Variants in ARGFX observed in about 807,000 individuals in gnomAD.
ARGFX encodes the protein arginine-fifty homeobox.
In ARGFX, 10 loss-of-function variants were observed where a neutral mutation model predicts 8.0. The ratio of observed to expected loss-of-function variants is 1.25; its 90% CI spans 0.77 to 2.12. ARGFX has a LOEUF of 2.12. ARGFX is among the 30% of genes most tolerant of loss of function. The pLI, the probability that ARGFX is intolerant of heterozygous loss-of-function variation, is 0.00. For synonymous variants in ARGFX, 116 were observed against 117.8 expected (o/e 0.98, Z 0.10); for missense variants, 282 against 324.3 (o/e 0.87, Z 1.00).
Position 121,586,659 on chromosome 3 carries a change from G to T in ARGFX, c.*59G>T. ...AGTGGTCTTCTTGCCTCTTGTACAT[G>T]ACTGTTTTTTTCCTTTGTCTCATTT... On this transcript the variant is annotated 3_prime_UTR_variant, in exon 5 of 5. Coordinates refer to ENST00000334384, the MANE Select transcript of ARGFX (RefSeq NM_001012659.2). 2 of 1,385,692 alleles carry T rather than the reference G, an allele frequency of 1.4e-6. No homozygotes were observed. 85.8% of individuals were successfully genotyped at this position (1,385,692 alleles called of 1,614,324 possible). A position where few individuals can be genotyped will look rare whatever the true frequency, so the allele number is the denominator to read the frequency against.
At chr3:121,573,717 G>A (rs1025099428) in intron 2 of ARGFX, among the ~76,000 whole-genome samples, 38 of 151,224 alleles carry the variant, frequency 2.5e-4, no homozygotes, top group African/African-American at 9.2e-4. Context: ...GTGTGGTGGT[G>A]CATGCCTGTA....
intron 2 of ARGFX, among the ~76,000 whole-genome samples, chr3:121,576,110 C>CT (rs143050253): frequency 5.4e-5 from 8 of 148,094 alleles, no homozygotes; most frequent in South Asian, 2.2e-4. Flanking sequence ...AAATTTTCTC[C>CT]TTTTTTTTTT....
intron 1 of ARGFX, among the ~76,000 whole-genome samples, chr3:121,570,366 T>C (rs779443933): frequency 1.3e-5 from 2 of 152,228 alleles, no homozygotes; most frequent in Non-Finnish European, 2.9e-5. Context: ...ACTGTCTTTG[T>C]TTCTGATGAG....
chr3:121,577,226 C>CATATATATATATATATAT (rs71133554), intron 3 of ARGFX, among the ~76,000 whole-genome samples: 2 of 87,140 alleles, frequency 2.3e-5, no homozygotes, highest in Non-Finnish European at 4.1e-5. Flanking sequence ...TCTACATGTA[C>CATATATATATATATATAT]ATATATATAT....
At position 121,570,723 on chromosome 3, in the gene ARGFX, A is replaced by T; in HGVS notation, c.10A>T (p.Arg4Ter). 1 of 1,607,562 alleles carries T rather than the reference A, an allele frequency of 6.2e-7. No individual in the cohort carries two copies. The change falls in exon 2 of 5, where the codon AGA becomes TGA. Residue 4 changes from arginine (R) to a stop codon, truncating the protein, a stop_gained. Coordinates refer to ENST00000334384, the MANE Select transcript of ARGFX (RefSeq NM_001012659.2). LOFTEE classifies it high-confidence loss of function. MRN[R>*]MAPENPQPDP... ...TCAGATTTCAGAAACCATGAGGAAC[A>T]GAATGGCCCCAGAGAATCCCCAGCC...
Position 121,575,680 on chromosome 3 carries a change from G to A in ARGFX, c.104-1104G>A, listed in dbSNP as rs557733982. 1.5e-4 allele frequency among the ~76,000 whole-genome samples: 23 copies of A among 152,258 alleles called. 1 individual carries two copies. The highest frequency in any genetic ancestry group is 1.4e-3 in the South Asian group (7 of 4,830). Reference sequence around the variant, plus strand: ...TGTAATCCCAGCACTTTGGGAGACCGAGGTGGGTGGATCATTTGAGGGCAG... The same window carrying A: ...TGTAATCCCAGCACTTTGGGAGACCAAGGTGGGTGGATCATTTGAGGGCAG... On this transcript the variant is annotated intron_variant, in intron 2 of 4. Coordinates refer to ENST00000334384, the MANE Select transcript of ARGFX (RefSeq NM_001012659.2).
chr3:121,587,415 G>GGAC lies in ARGFX; in HGVS notation c.*816_*818dup, dbSNP rs1162778745. Among the ~76,000 whole-genome samples, 4 of 151,362 alleles carry GGAC rather than the reference G, an allele frequency of 2.6e-5. No homozygotes were observed. Among genetic ancestry groups the GGAC allele is most frequent in the Non-Finnish European group, 5.9e-5 (4 of 67,838 alleles). On this transcript the variant is annotated 3_prime_UTR_variant, in exon 5 of 5. Coordinates refer to ENST00000334384, the MANE Select transcript of ARGFX (RefSeq NM_001012659.2). ...TTGCCCAGGCTGGTCTCCAACTCCT[G>GGAC]GACTTAACGCCATCCACCTGCCACA...
rs1403064031 is a variant in ARGFX, at chr3:121,577,259, A to ATATATATATTT, written c.220+360_220+361insATATATATTTT. Among the ~76,000 whole-genome samples, 39 of 59,566 alleles carry ATATATATATTT rather than the reference A, an allele frequency of 6.5e-4. 2 individuals are homozygous for ATATATATATTT. The highest frequency in any genetic ancestry group is 1.8e-3 in the African/African-American group (29 of 16,024). The allele number at this position is 59,566 out of a possible 152,430, so 39.1% of individuals were successfully genotyped here. On this transcript the variant is annotated intron_variant, in intron 3 of 4. Coordinates refer to ENST00000334384, the MANE Select transcript of ARGFX (RefSeq NM_001012659.2). ...TATATATATATATATATATATATAT[A>ATATATATATTT]TTTTTTTTTTTTTAAATGGAGTCTC... is the stretch of plus-strand genomic sequence containing the variant.
chr3:121,584,860 G>A, intron 3 of ARGFX, 57 bp from the exon 4 acceptor site: 1 of 1,557,140 alleles, frequency 6.4e-7, no homozygotes, highest in Admixed American at 1.9e-5. Flanking sequence ...TTTTTTGGTT[G>A]GGGGGAGAGA....
At chr3:121,577,501 G>A (rs962322030) in intron 3 of ARGFX, among the ~76,000 whole-genome samples, 14 of 151,186 alleles carry the variant, frequency 9.3e-5, no homozygotes, top group African/African-American at 2.9e-4. Context: ...TGATCCGCCC[G>A]CCTGCCTTGG....
intron 3 of ARGFX, among the ~76,000 whole-genome samples, chr3:121,584,318 C>T (rs1263826090): frequency 6.6e-6 from 1 of 151,692 alleles, no homozygotes; most frequent in Non-Finnish European, 1.5e-5. Context: ...GCCTATTTGC[C>T]AGATGAGATG....
In ARGFX at chr3:121,586,046, A is replaced by C. The variant is rs762536568; in HGVS notation, c.394A>C (p.Lys132Gln). 6.3e-7 allele frequency: 1 copy of C among 1,584,494 alleles called. No homozygotes were observed. ...GGTTTGGTTCAGGAACCGGCGATTC[A>C]AATTGAAGAAGCAGCAGCAGCAGCA... is the stretch of plus-strand genomic sequence containing the variant. ...VKVWFRNRRF[K>Q]LKKQQQQQSA... Residue 132 changes from lysine to glutamine, a missense_variant, in exon 5 of 5, where the codon AAA becomes CAA. By Grantham distance (53) the Lys-to-Gln change is moderately conservative. Coordinates refer to ENST00000334384, the MANE Select transcript of ARGFX (RefSeq NM_001012659.2).
rs2108841024 is a variant in ARGFX at position 121,590,008 on chromosome 3, A to G, written c.*3408A>G. The stretch of plus-strand genomic sequence containing the variant: ...AAAAGCTGGTTCTTTGAAAAGATCT[A>G]CAAAATGGCAAACATTTAGCTAGAT... On this transcript the variant is annotated 3_prime_UTR_variant, in exon 5 of 5. Coordinates refer to ENST00000334384, the MANE Select transcript of ARGFX (RefSeq NM_001012659.2). Among the ~76,000 whole-genome samples the G allele has an allele frequency of 6.6e-6, 1 of 152,334 alleles. No individual in the cohort carries two copies. Among genetic ancestry groups the G allele is most frequent in the South Asian group, 2.1e-4 (1 of 4,832 alleles).
rs184406509 is a variant in ARGFX at position 121,580,099 on chromosome 3, C to T, written c.220+3199C>T. 4.7e-3 allele frequency among the ~76,000 whole-genome samples: 712 copies of T among 151,368 alleles called. 9 individuals carry two copies. The highest frequency in any genetic ancestry group is 5.2e-3 in the Non-Finnish European group (354 of 67,818). On this transcript the variant is annotated intron_variant, in intron 3 of 4. Transcript: ENST00000334384. ...TCCCGAGTAGCTGGGAATACAGGTG[C>T]GTGCCACTACACCCTTTTTTGTAGA...
intron 2 of ARGFX, among the ~76,000 whole-genome samples, chr3:121,576,233 G>A (rs576268804): frequency 2.6e-5 from 4 of 152,116 alleles, no homozygotes; most frequent in African/African-American, 7.2e-5. Flanking sequence ...GTCATCAACA[G>A]TGCCCAAACC....
chr3:121,585,211 G>A lies in ARGFX; in HGVS notation c.369+146G>A, dbSNP rs2048803976. 14 of 940,930 alleles carry A rather than the reference G, an allele frequency of 1.5e-5. 1 individual carries two copies. In the South Asian group the frequency reaches 1.9e-4, roughly 13 times the overall value. The allele number at this position is 940,930 out of a possible 1,614,324, so 58.3% of individuals were successfully genotyped here. ...GAAACGGTATCAAACTGGGGACATC[G>A]CAAATACTGGCCTCACTCTCATGCA... is the stretch of plus-strand genomic sequence containing the variant. On this transcript the variant is annotated intron_variant, in intron 4 of 4. Coordinates refer to ENST00000334384, the MANE Select transcript of ARGFX (RefSeq NM_001012659.2).
intron 4 of ARGFX, among the ~76,000 whole-genome samples, chr3:121,585,721 T>A (rs2048808151): frequency 6.6e-6 from 1 of 151,912 alleles, no homozygotes; most frequent in Non-Finnish European, 1.5e-5. Context: ...ATTCTTCACC[T>A]CTCCCTAGAT....
chr3:121,568,107 C>T (rs2048683910), intron 1 of ARGFX, among the ~76,000 whole-genome samples, 94 bp downstream of exon 1: 1 of 152,076 alleles, frequency 6.6e-6, no homozygotes, highest in South Asian at 2.1e-4. Context: ...TTAAAGGATG[C>T]AAACCACTCA....
At position 121,587,176 on chromosome 3, in the gene ARGFX, T is replaced by C. The variant is rs2048817431; in HGVS notation, c.*576T>C. ...AAGTGATTCTCCTGTGTCAGCCTCC[T>C]GAGTAGCTGGGATTACAGGCGTGTG... On this transcript the variant is annotated 3_prime_UTR_variant, in exon 5 of 5. Coordinates refer to ENST00000334384, the MANE Select transcript of ARGFX (RefSeq NM_001012659.2). Among the ~76,000 whole-genome samples, 1 of 152,100 alleles carries C rather than the reference T, an allele frequency of 6.6e-6. No homozygotes were observed. The highest frequency in any genetic ancestry group is 1.5e-5 in the Non-Finnish European group (1 of 67,992).
Sources: allele counts gnomAD v4.1 joint callset (sites outside exome capture counted in the v4.1 genomes callset), GRCh38; gene constraint gnomAD v4.1.1; transcripts MANE v1.5; gene names NCBI Gene and HGNC (gene_info 2026-07-23, HGNC 2026-07-21).